The following CRTAM variants were observed in gnomAD, a reference collection of about 807,000 sequenced individuals.
CRTAM encodes cytotoxic and regulatory T cell molecule.
Under a neutral mutation model 50.0 loss-of-function variants are expected in CRTAM, and 44 were observed. The ratio of observed to expected loss-of-function variants is 0.88; its 90% CI spans 0.69 to 1.13. The LOEUF (loss-of-function observed/expected upper bound fraction) is 1.13, where lower values mean the gene tolerates loss of function less well. Among genes scored for constraint, CRTAM ranks in the 50% most tolerant of loss-of-function variants. The pLI, the probability that CRTAM is intolerant of heterozygous loss-of-function variation, is 0.00. For synonymous variants in CRTAM, 159 were observed against 169.3 expected (o/e 0.94, Z 0.47); for missense variants, 448 against 457.5 (o/e 0.98, Z 0.19).
intron 1 of CRTAM, among the ~76,000 whole-genome samples, chr11:122,841,275 T>C (rs1171428531): frequency 6.6e-6 from 1 of 152,224 alleles, no homozygotes; most frequent in Non-Finnish European, 1.5e-5. Flanking sequence ...AGGGCTCTGA[T>C]TTGAGAATTA....
intron 3 of CRTAM, among the ~76,000 whole-genome samples, 171 bp from the exon 4 acceptor site, chr11:122,853,772 C>T (rs933566421): frequency 8.6e-5 from 13 of 151,662 alleles, no homozygotes; most frequent in African/African-American, 2.9e-4. Flanking sequence ...GAGGCGAAAT[C>T]GTGCCACTGC....
At chr11:122,852,676 T>C (rs1861946771) in intron 3 of CRTAM, among the ~76,000 whole-genome samples, 1 of 152,166 alleles carries the variant, frequency 6.6e-6, no homozygotes, top group Admixed American at 6.5e-5. Flanking sequence ...CGTTGTCTTT[T>C]TGTAAGGGAG....
chr11:122,840,311 A>T (rs1861783785), intron 1 of CRTAM, among the ~76,000 whole-genome samples: 1 of 152,186 alleles, frequency 6.6e-6, no homozygotes, highest in Admixed American at 6.5e-5. Context: ...TAAAGATGAG[A>T]AAAGAAGTTA....
intron 3 of CRTAM, among the ~76,000 whole-genome samples, chr11:122,853,010 A>G (rs373200861): frequency 2.0e-5 from 3 of 152,192 alleles, no homozygotes; most frequent in African/African-American, 7.2e-5. Flanking sequence ...ACTAAAAAGT[A>G]TTTCCAAGAC....
At chr11:122,867,580 G>A (rs1862195800) in intron 8 of CRTAM, 25 bp downstream of exon 8, 1 of 1,602,172 alleles carries the variant, frequency 6.2e-7, no homozygotes, top group East Asian at 2.2e-5. Flanking sequence ...AACCTGACGG[G>A]GGCTATAAGA....
At chr11:122,861,474 C>T (rs1332614405) in intron 5 of CRTAM, among the ~76,000 whole-genome samples, 1 of 125,368 alleles carries the variant, frequency 8.0e-6, no homozygotes, top group Non-Finnish European at 1.6e-5. Context: ...CTCGCTCTGT[C>T]GCCCAGGCTT....
At chr11:122,870,850 G>A (rs181743940) in intron 9 of CRTAM, among the ~76,000 whole-genome samples, 22 of 152,144 alleles carry the variant, frequency 1.4e-4, no homozygotes, top group African/African-American at 5.1e-4. Context: ...AGGCTGAGGC[G>A]GGTGGATCAC....
intron 7 of CRTAM, among the ~76,000 whole-genome samples, chr11:122,867,018 A>G (rs1862184754): frequency 6.6e-6 from 1 of 152,192 alleles, no homozygotes; most frequent in Admixed American, 6.5e-5. Context: ...ATAGTTTTTT[A>G]AACTCCTTAA....
intron 7 of CRTAM, among the ~76,000 whole-genome samples, chr11:122,866,625 GAGAC>G (rs1862179173): frequency 6.8e-6 from 1 of 146,244 alleles, no homozygotes; most frequent in South Asian, 2.2e-4. Context: ...TTTTTTTTAA[GAGAC>G]AGGTCTCATC....
At chr11:122,847,420 A>C (rs1861879239) in intron 1 of CRTAM, among the ~76,000 whole-genome samples, 2 of 152,236 alleles carry the variant, frequency 1.3e-5, no homozygotes, top group Admixed American at 6.5e-5. Flanking sequence ...CCCTCACTCC[A>C]AACTTACCAG....
chr11:122,855,037 G>A (rs1343259028), intron 4 of CRTAM, among the ~76,000 whole-genome samples: 1 of 152,054 alleles, frequency 6.6e-6, no homozygotes, highest in Non-Finnish European at 1.5e-5. Flanking sequence ...TCTGCCTCCT[G>A]GGTTGAAACG....
intron 5 of CRTAM, among the ~76,000 whole-genome samples, chr11:122,858,256 ACTCTGTTGCCC>A: frequency 6.6e-6 from 1 of 151,574 alleles, no homozygotes; most frequent in South Asian, 2.1e-4. Context: ...AGACGGTCTC[ACTCTGTTGCCC>A]AGGCTGGAAG....
At chr11:122,855,942 G>T in intron 5 of CRTAM, 86 bp downstream of exon 5, 1 of 1,089,264 alleles carries the variant, frequency 9.2e-7, no homozygotes. Flanking sequence ...AGTGGGCAGA[G>T]TCCTTCAGAT....
intron 6 of CRTAM, among the ~76,000 whole-genome samples, chr11:122,863,333 G>GAAAGAAAGAAAGAAAGAAAGAA: frequency 1.1e-5 from 1 of 89,338 alleles, no homozygotes; most frequent in African/African-American, 3.2e-5. Context: ...AAGAAAGAAA[G>GAAAGAAAGAAAGAAAGAAAGAA]AAAGAAAGAA....
In CRTAM at chr11:122,851,487, T is replaced by C. The variant is rs183730065; in HGVS notation, c.194-206T>C. ...CTGGGAGAAGAGGGACTCTCTCGGA[T>C]TTCTGCAGCAGAATGGCTTGATCTA... On this transcript the variant is annotated intron_variant, in intron 2 of 9. Coordinates refer to ENST00000227348, the MANE Select transcript of CRTAM (RefSeq NM_019604.4). 1.8e-3 allele frequency among the ~76,000 whole-genome samples: 270 copies of C among 152,322 alleles called. 1 individual carries two copies. Among genetic ancestry groups the C allele is most frequent in the Non-Finnish European group, 3.2e-3 (218 of 68,026 alleles).
intron 1 of CRTAM, among the ~76,000 whole-genome samples, chr11:122,843,492 G>A (rs1293285017): frequency 6.6e-6 from 1 of 152,230 alleles, no homozygotes; most frequent in African/African-American, 2.4e-5. Flanking sequence ...TGTTCAGCAT[G>A]TGGGGAGCCG....
chr11:122,853,284 A>G (rs959390840), intron 3 of CRTAM, among the ~76,000 whole-genome samples: 7 of 151,764 alleles, frequency 4.6e-5, no homozygotes, highest in African/African-American at 1.7e-4. Flanking sequence ...GTTGGCCAGG[A>G]TGGTCTCGAT....
At chr11:122,856,733 G>A (rs1485936285) in intron 5 of CRTAM, among the ~76,000 whole-genome samples, 1 of 152,238 alleles carries the variant, frequency 6.6e-6, no homozygotes, top group South Asian at 2.1e-4. Context: ...GAAAGCTGCC[G>A]TGATGCCCTG....
intron 7 of CRTAM, among the ~76,000 whole-genome samples, chr11:122,866,046 A>C (rs1862169262): frequency 6.6e-6 from 1 of 152,140 alleles, no homozygotes; most frequent in African/African-American, 2.4e-5. Context: ...CTTTATCTGC[A>C]TACCTGTGTT....
Sources: allele counts gnomAD v4.1 joint callset (sites outside exome capture counted in the v4.1 genomes callset), GRCh38; gene constraint gnomAD v4.1.1; transcripts MANE v1.5; gene names NCBI Gene and HGNC (gene_info 2026-07-23, HGNC 2026-07-21).